GLP1R: variants seen among roughly 807,000 people sequenced by gnomAD.
GLP1R encodes glucagon like peptide 1 receptor, also known as glucagon-like peptide 1 receptor.
A neutral mutation model predicts 68.4 loss-of-function variants in GLP1R; 32 were observed. The observed-to-expected ratio is 0.47, with a 90% CI of 0.35 to 0.63. The LOEUF is 0.63. Among genes scored for constraint, GLP1R ranks in the 20% least tolerant of loss-of-function variants. The pLI is 0.00. For missense variants in GLP1R, 502 were observed against 594.9 expected (o/e 0.84, Z 1.62); for synonymous variants, 263 against 244.4 (o/e 1.08, Z -0.71).
Position 39,089,665 on chromosome 6 carries a change from A to G in GLP1R, c.*3592A>G, listed in dbSNP as rs1769235669. On this transcript the variant is annotated 3_prime_UTR_variant, in exon 13 of 13. Transcript: ENST00000373256. This position sits in a 1 kb window ranked among gnomAD's most constrained non-coding sequence, Gnocchi z 4.1. The stretch of plus-strand genomic sequence containing the variant: ...GTGTGTGTGCATGTTTCTTCTGTGC[A>G]TAGCAGCATAAAGTTAGGAGATGAT... Among the ~76,000 whole-genome samples the G allele has an allele frequency of 6.6e-6, 1 of 152,104 alleles. No homozygotes were observed. Among genetic ancestry groups the G allele is most frequent in the South Asian group, 2.1e-4 (1 of 4,830 alleles).
rs1352550129 is a variant in GLP1R, at chr6:39,073,594, C to T, written c.664-16C>T. On this transcript the variant is annotated splice_polypyrimidine_tract_variant and intron_variant, in intron 6 of 12. Transcript: ENST00000373256. ...GCAGAGCTGTTGTCCCCATGACACCCTTCCTCTACCCCCAGGACTCTCTGA... is the reference window on the plus strand; with the variant it reads ...GCAGAGCTGTTGTCCCCATGACACCTTTCCTCTACCCCCAGGACTCTCTGA... 6.2e-7 allele frequency: 1 copy of T among 1,612,324 alleles called. No homozygotes were observed. The highest frequency in any genetic ancestry group is 2.2e-5 in the East Asian group (1 of 44,856).
rs10305454 is a variant in GLP1R, at chr6:39,065,963, C to T, written c.402+134C>T. ...CATCTCCTTGCCTCTGGGGGCTTTG[C>T]ACACCATGCTTTCTGGACAAAGGTG... On this transcript the variant is annotated intron_variant, in intron 4 of 12. Coordinates refer to ENST00000373256, the MANE Select transcript of GLP1R (RefSeq NM_002062.5). The T allele has an allele frequency of 7.0e-3, 4,569 of 655,096 alleles. 162 individuals carry two copies. In the African/African-American group the frequency reaches 0.074, roughly 11 times the overall value. 40.6% of individuals were successfully genotyped at this position (655,096 alleles called of 1,614,324 possible).
At position 39,073,777 on chromosome 6, in the gene GLP1R, C is replaced by T; in HGVS notation, c.823+8C>T. 3 of 1,613,292 alleles carry T rather than the reference C, an allele frequency of 1.9e-6. No individual in the cohort carries two copies. The South Asian group carries it at 3.3e-5, about 18-fold the overall frequency. On this transcript the variant is annotated splice_region_variant and intron_variant, in intron 7 of 12. Coordinates refer to ENST00000373256, the MANE Select transcript of GLP1R (RefSeq NM_002062.5). ...ACGTGAGCATAGGCTGGGGTAAGAA[C>T]CGCCATCACCCACCCTGGACCTGTG...
At position 39,090,374 on chromosome 6, in the gene GLP1R, C is replaced by A. The variant is rs1272710029; in HGVS notation, c.*4301C>A. On this transcript the variant is annotated 3_prime_UTR_variant, in exon 13 of 13. Transcript: ENST00000373256. The stretch of plus-strand genomic sequence containing the variant: ...GGAGAGAGTTTTCTCTCTTCTTTGG[C>A]CATTTTAGCCTATTTTCCAGGACCT... Among the ~76,000 whole-genome samples the A allele has an allele frequency of 6.6e-6, 1 of 152,120 alleles. No individual in the cohort carries two copies. Among genetic ancestry groups the A allele is most frequent in the African/African-American group, 2.4e-5 (1 of 41,402 alleles).
intron 1 of GLP1R, among the ~76,000 whole-genome samples, chr6:39,052,198 G>A (rs1768104208): frequency 1.3e-5 from 2 of 151,810 alleles, no homozygotes; most frequent in Admixed American, 1.3e-4. Flanking sequence ...TCCTTTTCCT[G>A]TCCTTTCGTT....
At chr6:39,071,251 C>A (rs756530574) in intron 5 of GLP1R, among the ~76,000 whole-genome samples, 1 of 144,356 alleles carries the variant, frequency 6.9e-6, no homozygotes, top group Non-Finnish European at 1.5e-5. Context: ...GAGGCTGAGG[C>A]GGGAGAATCA....
Position 39,059,348 on chromosome 6 carries a change from TAG to T in GLP1R, c.283+1772_283+1773del, listed in dbSNP as rs1303374613. ...TAGTGGGCGACCCAGAAGCTTGGTT[TAG>T]AGTCAGTGTGGCTAATTGCTACACC... On this transcript the variant is annotated intron_variant, in intron 3 of 12. Transcript: ENST00000373256. Among the ~76,000 whole-genome samples the T allele has an allele frequency of 3.3e-5, 5 of 152,356 alleles. No individual in the cohort carries two copies. The East Asian group carries it at 9.6e-4, about 29-fold the overall frequency.
At chr6:39,077,426 C>T (rs1768859924) in intron 7 of GLP1R, among the ~76,000 whole-genome samples, 1 of 152,348 alleles carries the variant, frequency 6.6e-6, no homozygotes, top group East Asian at 1.9e-4. Flanking sequence ...GGCTGGAGGC[C>T]TCCATTTCTT....
intron 4 of GLP1R, among the ~76,000 whole-genome samples, 165 bp from the exon 5 acceptor site, chr6:39,066,032 C>A (rs951628681): frequency 6.6e-6 from 1 of 152,146 alleles, no homozygotes; most frequent in African/African-American, 2.4e-5. Flanking sequence ...CCCAAGATAT[C>A]CAAGAACCAT....
At chr6:39,072,150 T>C (rs1459223321) in intron 5 of GLP1R, among the ~76,000 whole-genome samples, 1 of 152,272 alleles carries the variant, frequency 6.6e-6, no homozygotes, top group African/African-American at 2.4e-5. Context: ...TTGAATTTTC[T>C]ATGAAGATAA....
chr6:39,076,539 A>G (rs929264578), intron 7 of GLP1R, among the ~76,000 whole-genome samples: 2 of 152,182 alleles, frequency 1.3e-5, no homozygotes, highest in African/African-American at 4.8e-5. Context: ...CAACCTGCTT[A>G]GTAGCTGCTG....
intron 8 of GLP1R, among the ~76,000 whole-genome samples, chr6:39,078,642 C>A (rs796561707): frequency 6.6e-5 from 10 of 152,132 alleles, no homozygotes; most frequent in African/African-American, 2.4e-4. Flanking sequence ...GTAATATCTG[C>A]AAGTGAAATG....
chr6:39,066,791 C>A (rs1216603134), intron 5 of GLP1R, among the ~76,000 whole-genome samples: 1 of 152,024 alleles, frequency 6.6e-6, no homozygotes, highest in African/African-American at 2.4e-5. Flanking sequence ...AACAGAGTAC[C>A]AGGTTCTTCC....
rs929551269 is a variant in GLP1R at position 39,079,774 on chromosome 6, A to G, written c.1182+72A>G. Reference sequence around the variant, plus strand: ...GGTGGGACAGACACCAGCCTGCATCATGCAGATGGAAAAGGTGGGAAGACT... The same window carrying G: ...GGTGGGACAGACACCAGCCTGCATCGTGCAGATGGAAAAGGTGGGAAGACT... On this transcript the variant is annotated intron_variant, in intron 11 of 12. Transcript: ENST00000373256. The surrounding 1 kb of genome is among the most constrained non-coding windows in gnomAD (Gnocchi z 4.5). 4 of 1,363,406 alleles carry G rather than the reference A, an allele frequency of 2.9e-6. No individual in the cohort carries two copies. The highest frequency in any genetic ancestry group is 2.3e-5 in the East Asian group (1 of 42,590). 84.5% of individuals were successfully genotyped at this position (1,363,406 alleles called of 1,614,324 possible). A position where few individuals can be genotyped will look rare whatever the true frequency, so the allele number is the denominator to read the frequency against.
At chr6:39,074,788 C>A (rs553718127) in intron 7 of GLP1R, among the ~76,000 whole-genome samples, 1 of 152,186 alleles carries the variant, frequency 6.6e-6, no homozygotes, top group Non-Finnish European at 1.5e-5. Flanking sequence ...GCATCCTTCC[C>A]ACACCAGGGT....
chr6:39,057,398 G>A (rs1719482984), intron 2 of GLP1R, 74 bp from the exon 3 acceptor site: 1 of 927,178 alleles, frequency 1.1e-6, no homozygotes, highest in Non-Finnish European at 1.8e-6. Flanking sequence ...GAGGGGAGGG[G>A]TCTTGGGGAA....
chr6:39,060,206 G>A (rs73414426), intron 3 of GLP1R, among the ~76,000 whole-genome samples: 15,525 of 152,188 alleles, frequency 0.1, 1,350 homozygotes, highest in African/African-American at 0.22. Context: ...GTGTGTGGGA[G>A]CAGTTCTGAA....
chr6:39,073,600 C>CT lies in GLP1R; in HGVS notation c.664-9dup, dbSNP rs753815577. 19 of 1,612,984 alleles carry CT rather than the reference C, an allele frequency of 1.2e-5. No individual in the cohort carries two copies. The highest frequency in any genetic ancestry group is 2.5e-6 in the Non-Finnish European group (3 of 1,179,520). On this transcript the variant is annotated splice_polypyrimidine_tract_variant and intron_variant, in intron 6 of 12. Coordinates refer to ENST00000373256, the MANE Select transcript of GLP1R (RefSeq NM_002062.5). ...CTGTTGTCCCCATGACACCCTTCCT[C>CT]TACCCCCAGGACTCTCTGAGCTGCC...
At chr6:39,060,298 G>A (rs1034668791) in intron 3 of GLP1R, among the ~76,000 whole-genome samples, 4 of 152,198 alleles carry the variant, frequency 2.6e-5, no homozygotes, top group African/African-American at 9.7e-5. Context: ...CTGGTGTCAA[G>A]GAGAAGGAAG....
Sources: gnomAD v4.1 joint callset for allele counts (sites outside exome capture counted in the v4.1 genomes callset) on GRCh38, gnomAD v4.1.1 for gene constraint, Gnocchi (gnomAD v3.1) non-coding constraint, MANE v1.5 for transcripts, NCBI Gene and HGNC (gene_info 2026-07-23, HGNC 2026-07-21) for gene names.